The following GIT2 variants were observed in gnomAD, a reference collection of about 807,000 sequenced individuals.
GIT2 encodes the protein GIT ArfGAP 2, also known as ARF GTPase-activating protein GIT2.
A neutral mutation model predicts 100.3 loss-of-function variants in GIT2; 32 were observed. The ratio of observed to expected loss-of-function variants is 0.32; its 90% CI spans 0.24 to 0.43. GIT2 has a LOEUF of 0.43. Among genes scored for constraint, GIT2 ranks in the 20% least tolerant of loss-of-function variants. The pLI, the probability that GIT2 is intolerant of heterozygous loss-of-function variation, is 1.00. For synonymous variants in GIT2, 353 were observed against 364.1 expected, an observed-to-expected ratio of 0.97 and a Z score of 0.35; for missense variants, 737 against 975.1, an observed-to-expected ratio of 0.76 and a Z score of 3.25.
At chr12:109,938,618 C>T in intron 17 of GIT2, 50 bp from the exon 18 acceptor site, 1 of 1,379,872 alleles carries the variant, frequency 7.2e-7, no homozygotes. Flanking sequence ...TATCAGCTGC[C>T]CCTCTGCTTC....
At position 109,950,664 on chromosome 12, in the gene GIT2, C is replaced by A. The variant is rs78108459; in HGVS notation, c.1392+503G>T. On this transcript the variant is annotated intron_variant, in intron 14 of 19. Coordinates refer to ENST00000355312, the MANE Select transcript of GIT2 (RefSeq NM_057169.5). ...GAAATGTTTTTTCTTATTTTTTGAG[C>A]ACCTACTCTGTGGCAGGCCCTCCTG... 1,045 of 153,546 alleles carry A rather than the reference C, an allele frequency of 6.8e-3. 1 individual carries two copies. Among genetic ancestry groups the A allele is most frequent in the Non-Finnish European group, 9.4e-3 (649 of 68,880 alleles). The allele number at this position is 153,546 out of a possible 1,614,324, so 9.5% of individuals were successfully genotyped here.
rs896776603 is a variant in GIT2, at chr12:109,983,679, C to T, written c.421G>A (p.Val141Met). The T allele has an allele frequency of 2.5e-6, 4 of 1,612,050 alleles. No homozygotes were observed. Among genetic ancestry groups the T allele is most frequent in the South Asian group, 2.2e-5 (2 of 91,002 alleles). The change falls in exon 5 of 20, where the codon GTG (valine) becomes ATG (methionine). Residue 141 changes from valine (V) to methionine (M), a missense_variant. Physicochemically the swap from Val to Met is conservative, Grantham distance 21 (BLOSUM62 1). Transcript: ENST00000355312. ...CAGGTTTCAAGATTCCCTGTTCTCA[C>T]GCTCGAATGGAGTTGCTGAAAAACG... ...KDLSKQLHSS[V>M]RTGNLETCLR...
intron 7 of GIT2, among the ~76,000 whole-genome samples, chr12:109,970,479 C>G (rs1883577695): frequency 6.6e-6 from 1 of 152,126 alleles, no homozygotes; most frequent in South Asian, 2.1e-4. Flanking sequence ...GGTGACAGAG[C>G]AAGACTCCGT....
At chr12:109,960,043 C>T (rs1880637024) in intron 11 of GIT2, 85 bp from the exon 12 acceptor site, 8 of 843,012 alleles carry the variant, frequency 9.5e-6, no homozygotes, top group East Asian at 2.6e-5. Flanking sequence ...AGACTATTGA[C>T]AGACTTCTGC....
rs1871549016 is a variant in GIT2, at chr12:109,931,020, T to C, written c.*1958A>G. On this transcript the variant is annotated 3_prime_UTR_variant, in exon 20 of 20. Transcript: ENST00000355312. ...GAGTCTTTTGGAGACGTGGACCCTT[T>C]TCCCATGCTACTCACAGTGAAGCAA... 2 of 152,176 alleles carry C rather than the reference T, an allele frequency of 1.3e-5. No individual in the cohort carries two copies. Among genetic ancestry groups the C allele is most frequent in the Non-Finnish European group, 2.9e-5 (2 of 68,034 alleles). The allele number at this position is 152,176 out of a possible 1,614,324, so 9.4% of individuals were successfully genotyped here.
chr12:109,944,156 C>T (rs554526560), intron 16 of GIT2, among the ~76,000 whole-genome samples: 4 of 152,172 alleles, frequency 2.6e-5, no homozygotes, highest in Admixed American at 1.3e-4. Context: ...GTACTACAGA[C>T]TGGGCAACAT....
intron 13 of GIT2, chr12:109,952,787 A>G: frequency 2.1e-6 from 1 of 471,590 alleles, no homozygotes; most frequent in South Asian, 2.0e-5. Flanking sequence ...TCTCCTAGGC[A>G]ATGAGAGCCT....
intron 17 of GIT2, chr12:109,938,844 C>A: frequency 2.0e-6 from 1 of 495,216 alleles, no homozygotes. Flanking sequence ...TAAAGCCATC[C>A]TCAGGTGGGC....
At chr12:109,999,525 G>T (rs567896455), upstream of GIT2, 1,868 of 383,764 alleles carry the variant, frequency 4.9e-3, 8 homozygotes, top group Non-Finnish European at 6.8e-3. The surrounding 1 kb of genome is among the most constrained non-coding windows in gnomAD (Gnocchi z 4.3). Flanking sequence ...GGCGACCCCG[G>T]ACCTCCCGCG....
chr12:109,979,553 G>C (rs541026321), intron 7 of GIT2, among the ~76,000 whole-genome samples: 1 of 151,840 alleles, frequency 6.6e-6, no homozygotes, highest in Non-Finnish European at 1.5e-5. Flanking sequence ...GATTACAGGC[G>C]TGAGCCACCG....
intron 9 of GIT2, among the ~76,000 whole-genome samples, chr12:109,964,218 C>T (rs529888115): frequency 6.6e-6 from 1 of 152,240 alleles, no homozygotes; most frequent in South Asian, 2.1e-4. Flanking sequence ...TCTTGATCAT[C>T]TTAGTTTACA....
upstream of GIT2, chr12:109,999,478 C>A (rs910692781): frequency 3.8e-6 from 1 of 265,032 alleles, no homozygotes; most frequent in Non-Finnish European, 7.0e-6. The surrounding 1 kb of genome is among the most constrained non-coding windows in gnomAD (Gnocchi z 4.3). Flanking sequence ...CCGCGGGGCG[C>A]GGGGTGGGCG....
At chr12:109,979,429 T>C (rs544112410) in intron 7 of GIT2, among the ~76,000 whole-genome samples, 3 of 152,050 alleles carry the variant, frequency 2.0e-5, no homozygotes, top group Non-Finnish European at 4.4e-5. Context: ...CCTGCCACCA[T>C]GCCCAGCTAA....
At chr12:109,976,192 A>T (rs905597167) in intron 7 of GIT2, among the ~76,000 whole-genome samples, 1 of 152,050 alleles carries the variant, frequency 6.6e-6, no homozygotes, top group African/African-American at 2.4e-5. Flanking sequence ...AGAAGGTAGA[A>T]ATCTTACCAT....
chr12:109,971,241 G>A (rs1883792062), intron 7 of GIT2, among the ~76,000 whole-genome samples: 1 of 152,104 alleles, frequency 6.6e-6, no homozygotes, highest in Non-Finnish European at 1.5e-5. Flanking sequence ...GGTCTTCATT[G>A]ATTTCTTTCA....
chr12:109,982,783 G>A (rs1344482206), intron 6 of GIT2: 5 of 151,882 alleles, frequency 3.3e-5, no homozygotes, highest in Non-Finnish European at 7.3e-5. Context: ...GGGATTACAG[G>A]TGCCTGCCAC....
At chr12:109,978,128 G>C (rs543202968) in intron 7 of GIT2, among the ~76,000 whole-genome samples, 4 of 141,514 alleles carry the variant, frequency 2.8e-5, no homozygotes, top group African/African-American at 5.4e-5. Flanking sequence ...TGTTGCCCAG[G>C]TTGGAGTGCA....
chr12:109,952,538 A>G (rs751045248), intron 13 of GIT2: 3 of 518,670 alleles, frequency 5.8e-6, no homozygotes, highest in Non-Finnish European at 1.2e-5. Context: ...TCGAGTCCCA[A>G]CCTTTTTAGG....
chr12:109,946,947 G>A (rs1488325804), intron 15 of GIT2, among the ~76,000 whole-genome samples: 1 of 152,110 alleles, frequency 6.6e-6, no homozygotes, highest in African/African-American at 2.4e-5. Flanking sequence ...GAGAAGGAAG[G>A]AAGCTTTACC....
Sources: gnomAD v4.1 joint callset for allele counts (sites outside exome capture counted in the v4.1 genomes callset) on GRCh38, gnomAD v4.1.1 for gene constraint, Gnocchi (gnomAD v3.1) non-coding constraint, MANE v1.5 for transcripts, NCBI Gene and HGNC (gene_info 2026-07-23, HGNC 2026-07-21) for gene names.